Variants in SYT17 observed in about 807,000 individuals in gnomAD.
SYT17 encodes synaptotagmin-17.
In SYT17, 22 loss-of-function variants were observed where a neutral mutation model predicts 46.7. The ratio of observed to expected loss-of-function variants is 0.47; its 90% confidence interval spans 0.34 to 0.67. The LOEUF (loss-of-function observed/expected upper bound fraction) is 0.67. Among genes scored for constraint, SYT17 ranks in the 30% least tolerant of loss-of-function variants. The pLI is 0.01. For synonymous variants in SYT17, 251 were observed against 248.4 expected (o/e 1.01, Z -0.10); for missense variants, 519 against 612.8 (o/e 0.85, Z 1.62).
intron 4 of SYT17, among the ~76,000 whole-genome samples, chr16:19,181,990 ACT>A (rs1306075482): frequency 5.1e-5 from 7 of 137,976 alleles, no homozygotes; most frequent in African/African-American, 2.0e-4. Context: ...CAAAAATGAA[ACT>A]CTGTCTCAAA....
At chr16:19,170,624 G>A (rs1032483072) in intron 1 of SYT17, 2 of 152,114 alleles carry the variant, frequency 1.3e-5, no homozygotes, top group African/African-American at 4.8e-5. Context: ...AGAAAGTTGG[G>A]GAGGCTGTTT....
intron 7 of SYT17, chr16:19,250,106 T>A: frequency 6.7e-7 from 1 of 1,493,866 alleles, no homozygotes; most frequent in Non-Finnish European, 8.9e-7. Flanking sequence ...TTGCTTTTAT[T>A]TTAAAGGCTT....
At chr16:19,201,704 T>C (rs1321398113) in intron 5 of SYT17, among the ~76,000 whole-genome samples, 1 of 149,746 alleles carries the variant, frequency 6.7e-6, no homozygotes, top group East Asian at 2.0e-4. Context: ...CCAATAGATC[T>C]ATTAGATTCT....
chr16:19,199,160 A>G (rs1193773778), intron 5 of SYT17, among the ~76,000 whole-genome samples: 1 of 152,186 alleles, frequency 6.6e-6, no homozygotes, highest in Non-Finnish European at 1.5e-5. Flanking sequence ...TGAGACTCTC[A>G]TCGTAGTGTA....
At chr16:19,231,026 T>C (rs1596988675) in intron 7 of SYT17, among the ~76,000 whole-genome samples, 1 of 152,358 alleles carries the variant, frequency 6.6e-6, no homozygotes, top group Non-Finnish European at 1.5e-5. Context: ...ATCTACGTTG[T>C]CTACATAGAG....
At position 19,248,666 on chromosome 16, in the gene SYT17, C is replaced by T. The variant is rs1339451743; in HGVS notation, c.1229-18214C>T. 2.0e-5 allele frequency among the ~76,000 whole-genome samples: 3 copies of T among 151,952 alleles called. 1 individual carries two copies. The highest frequency in any genetic ancestry group is 4.4e-5 in the Non-Finnish European group (3 of 67,974). ...CGAAACCCCATCTCTACTAAAAATA[C>T]AAAAAATTAGCTGGGCATGGTGGTG... is the stretch of plus-strand genomic sequence containing the variant. On this transcript the variant is annotated intron_variant, in intron 7 of 7. Transcript: ENST00000355377.
intron 4 of SYT17, among the ~76,000 whole-genome samples, chr16:19,180,914 G>C (rs1964525545): frequency 6.6e-6 from 1 of 152,166 alleles, no homozygotes; most frequent in Non-Finnish European, 1.5e-5. Flanking sequence ...TTGCATCAGT[G>C]GCCAAGTGCA....
At chr16:19,196,497 C>A (rs954419763) in intron 5 of SYT17, among the ~76,000 whole-genome samples, 1 of 152,084 alleles carries the variant, frequency 6.6e-6, no homozygotes, top group Non-Finnish European at 1.5e-5. Flanking sequence ...CCCGCCTTGG[C>A]CTCCCAAAGT....
In SYT17 at chr16:19,180,599, ACG is replaced by A. The variant is rs771986250; in HGVS notation, c.331+61_331+62del. On this transcript the variant is annotated intron_variant, in intron 4 of 7. Coordinates refer to ENST00000355377, the MANE Select transcript of SYT17 (RefSeq NM_016524.4). ...GGCTGGCTTTCCCAGACACTCTCCC[ACG>A]GAGAGTCATGAAGGGCAGTGTTATT... is the stretch of plus-strand genomic sequence containing the variant. The A allele has an allele frequency of 1.0e-3, 1,591 of 1,597,168 alleles. 5 individuals are homozygous for A. Among genetic ancestry groups the A allele is most frequent in the Non-Finnish European group, 1.2e-3 (1,399 of 1,168,916 alleles).
intron 1 of SYT17, chr16:19,172,273 C>G (rs958356393): frequency 7.7e-6 from 9 of 1,167,646 alleles, no homozygotes; most frequent in Non-Finnish European, 8.6e-6. Flanking sequence ...ACCCCACCAT[C>G]ACCATTGGAG....
intron 3 of SYT17, among the ~76,000 whole-genome samples, chr16:19,174,700 C>G (rs1964244470): frequency 6.6e-6 from 1 of 152,112 alleles, no homozygotes; most frequent in Non-Finnish European, 1.5e-5. Context: ...CCTTGATTTC[C>G]CATCTGTGAA....
chr16:19,182,784 T>C (rs2142575021), intron 4 of SYT17, among the ~76,000 whole-genome samples: 1 of 152,374 alleles, frequency 6.6e-6, no homozygotes, highest in South Asian at 2.1e-4. Context: ...AGGCGGCCCG[T>C]AAGCGGTGAG....
chr16:19,236,383 C>T (rs1050359326), intron 7 of SYT17, among the ~76,000 whole-genome samples: 2 of 152,098 alleles, frequency 1.3e-5, no homozygotes, highest in African/African-American at 2.4e-5. Context: ...TGGGGAAACT[C>T]GAAGCTTAGG....
At chr16:19,250,099 C>T (rs1313516717) in intron 7 of SYT17, 2 of 1,499,282 alleles carry the variant, frequency 1.3e-6, no homozygotes, top group Non-Finnish European at 8.8e-7. Flanking sequence ...TGTCTGGTTG[C>T]TTTTATTTTA....
intron 5 of SYT17, among the ~76,000 whole-genome samples, chr16:19,210,509 C>A (rs1965857010): frequency 6.7e-6 from 1 of 149,334 alleles, no homozygotes; most frequent in African/African-American, 2.5e-5. Context: ...TTTTTAAATA[C>A]CCTTTTTTTT....
intron 5 of SYT17, among the ~76,000 whole-genome samples, chr16:19,207,841 C>T (rs915975100): frequency 6.6e-6 from 1 of 151,924 alleles, no homozygotes; most frequent in South Asian, 2.1e-4. Context: ...TTCAAGGCTG[C>T]GAGCTGTGAT....
Position 19,223,131 on chromosome 16 carries a change from G to T in SYT17, c.1038G>T (p.Lys346Asn). ...GRLNVDVIRA[K>N]QLLQTDVSQG... ...TGAATGTTGATGTCATTCGAGCCAAGCAACTTCTTCAGACAGATGTGAGCC... is the reference window on the plus strand; with the variant it reads ...TGAATGTTGATGTCATTCGAGCCAATCAACTTCTTCAGACAGATGTGAGCC... Residue 346 changes from lysine to asparagine, a missense_variant, in exon 6 of 8, where the codon AAG becomes AAT. Transcript: ENST00000355377. The T allele has an allele frequency of 6.2e-7, 1 of 1,613,982 alleles. No individual in the cohort carries two copies. The highest frequency in any genetic ancestry group is 8.5e-7 in the Non-Finnish European group (1 of 1,179,884).
chr16:19,183,887 G>A lies in SYT17; in HGVS notation c.691G>A (p.Val231Ile), dbSNP rs370715556. The change falls in exon 5 of 8, where the codon GTC (valine) becomes ATC (isoleucine). Residue 231 changes from valine (V) to isoleucine (I), a missense_variant. By Grantham distance (29) the Val-to-Ile change is conservative. Coordinates refer to ENST00000355377, the MANE Select transcript of SYT17 (RefSeq NM_016524.4). This position sits in a 1 kb window ranked among gnomAD's most constrained non-coding sequence, Gnocchi z 5.6. ...GGACATGGCGCACTCCAACCCCTAC[G>A]TCAAGATCTGTCTCCTGCCAGACCA... ...RQDMAHSNPY[V>I]KICLLPDQKN... The A allele has an allele frequency of 6.8e-6, 11 of 1,614,014 alleles. No homozygotes were observed. The highest frequency in any genetic ancestry group is 4.4e-5 in the South Asian group (4 of 91,090).
At chr16:19,178,277 G>A (rs76463311) in intron 3 of SYT17, among the ~76,000 whole-genome samples, 1 of 151,678 alleles carries the variant, frequency 6.6e-6, no homozygotes, top group South Asian at 2.1e-4. Flanking sequence ...AGTAGAGATG[G>A]GGTTTCACCG....
Sources: allele counts gnomAD v4.1 joint callset (sites outside exome capture counted in the v4.1 genomes callset), GRCh38; gene constraint gnomAD v4.1.1; non-coding constraint Gnocchi (gnomAD v3.1); transcripts MANE v1.5; gene names NCBI Gene and HGNC (gene_info 2026-07-23, HGNC 2026-07-21).